RNF25: variants seen among roughly 807,000 people sequenced by gnomAD.
The protein encoded by RNF25 is E3 ubiquitin-protein ligase RNF25.
A neutral mutation model predicts 65.0 loss-of-function variants in RNF25; 32 were observed. The ratio of observed to expected loss-of-function variants is 0.49; its 90% CI spans 0.37 to 0.66. The LOEUF (loss-of-function observed/expected upper bound fraction) is 0.66, where lower values mean the gene tolerates loss of function less well. RNF25 is among the 30% of genes least tolerant of loss of function. The pLI is 0.00. For missense variants in RNF25, 493 were observed against 584.8 expected (o/e 0.84, Z 1.62); for synonymous variants, 207 against 221.2 (o/e 0.94, Z 0.57).
chr2:218,670,386 AGGT>A (rs912669125), intron 1 of RNF25, among the ~76,000 whole-genome samples: 3 of 149,476 alleles, frequency 2.0e-5, no homozygotes, highest in Non-Finnish European at 4.4e-5. Flanking sequence ...GATGGTGGTA[AGGT>A]GGTGACAACA....
chr2:218,664,697 G>T lies in RNF25; in HGVS notation c.801+42C>A. 1 of 1,613,046 alleles carries T rather than the reference G, an allele frequency of 6.2e-7. No individual in the cohort carries two copies. The highest frequency in any genetic ancestry group is 2.2e-5 in the East Asian group (1 of 44,886). On this transcript the variant is annotated intron_variant, in intron 9 of 9. Transcript: ENST00000295704. This position sits in a 1 kb window ranked among gnomAD's most constrained non-coding sequence, Gnocchi z 5.1. ...CATGGCTGATTGGGGTTTGTAGAAA[G>T]GTTGGTGGCATTACAGGACAACTGG... is the stretch of plus-strand genomic sequence containing the variant.
In RNF25 at chr2:218,664,159, C is replaced by A; in HGVS notation, c.1178G>T (p.Gly393Val). The A allele has an allele frequency of 1.3e-6, 2 of 1,553,734 alleles. No individual in the cohort carries two copies. The highest frequency in any genetic ancestry group is 1.7e-6 in the Non-Finnish European group (2 of 1,154,460). Residue 393 changes from glycine to valine, a missense_variant, in exon 10 of 10, where the codon GGA becomes GTA. Gly to Val is a moderately radical substitution (Grantham distance 109). Coordinates refer to ENST00000295704, the MANE Select transcript of RNF25 (RefSeq NM_022453.3). This position sits in a 1 kb window ranked among gnomAD's most constrained non-coding sequence, Gnocchi z 5.1. ...CTTCTCTTGTGGAGGACCTTCAACT[C>A]CTTGGCTATGGGGTTCTGGCTTTAG... ...MDLKPEPHSQ[G>V]VEGPPQEKGP...
intron 2 of RNF25, 61 bp from the exon 3 acceptor site, chr2:218,668,402 G>C: frequency 1.3e-6 from 1 of 774,716 alleles, no homozygotes; most frequent in East Asian, 3.2e-5. Context: ...GGCTGGGGAG[G>C]ATGGGGCTGA....
At position 218,668,151 on chromosome 2, in the gene RNF25, T is replaced by C. The variant is rs1939877032; in HGVS notation, c.220-5A>G. 2 of 1,613,888 alleles carry C rather than the reference T, an allele frequency of 1.2e-6. No homozygotes were observed. Among genetic ancestry groups the C allele is most frequent in the East Asian group, 2.2e-5 (1 of 44,892 alleles). On this transcript the variant is annotated splice_region_variant and splice_polypyrimidine_tract_variant and intron_variant, in intron 3 of 9. Coordinates refer to ENST00000295704, the MANE Select transcript of RNF25 (RefSeq NM_022453.3). ...CTGTGGCACCTCATGGGGATACTAG[T>C]GGGGGCAAATAACAAGTTACTGCTG...
At position 218,671,997 on chromosome 2, in the gene RNF25, G is replaced by A; in HGVS notation, c.-27C>T. On this transcript the variant is annotated 5_prime_UTR_variant, in exon 1 of 10. Transcript: ENST00000295704. Reference sequence around the variant, plus strand: ...TCTTCACCGGCCCGCAGCCGGAACCGGAAATGCCCTTAGGGAAGTCGGAGG... The same window carrying A: ...TCTTCACCGGCCCGCAGCCGGAACCAGAAATGCCCTTAGGGAAGTCGGAGG... 4 of 1,614,178 alleles carry A rather than the reference G, an allele frequency of 2.5e-6. No individual in the cohort carries two copies. The highest frequency in any genetic ancestry group is 3.4e-6 in the Non-Finnish European group (4 of 1,180,016).
chr2:218,667,788 A>T, intron 5 of RNF25, 124 bp downstream of exon 5: 3 of 821,752 alleles, frequency 3.7e-6, no homozygotes, highest in Non-Finnish European at 5.8e-6. Context: ...TCTCTGGATT[A>T]ATTTAGGCCT....
At chr2:218,666,136 C>T in intron 6 of RNF25, 23 bp downstream of exon 6, 1 of 1,613,120 alleles carries the variant, frequency 6.2e-7, no homozygotes, top group Non-Finnish European at 8.5e-7. Flanking sequence ...AACAGAATGC[C>T]AGGTCCCAAG....
At chr2:218,671,035 T>C (rs1224845345) in intron 1 of RNF25, among the ~76,000 whole-genome samples, 1 of 152,050 alleles carries the variant, frequency 6.6e-6, no homozygotes, top group African/African-American at 2.4e-5. Flanking sequence ...TAGCCAGGCA[T>C]GGTGGCACAC....
rs1020946725 is a variant in RNF25 at position 218,664,130 on chromosome 2, G to T, written c.1207C>A (p.Pro403Thr). ...GVEGPPQEKG[P>T]GSWQGPPPRR... ...GGTGGGGGCCCCTGCCAGCTGCCAG[G>T]CCCCTTCTCTTGTGGAGGACCTTCA... Residue 403 changes from proline to threonine, a missense_variant, in exon 10 of 10, where the codon CCT becomes ACT. Pro to Thr is a conservative substitution (Grantham distance 38, BLOSUM62 -1). Around this residue, in one of 3 missense-constraint regions of RNF25, gnomAD observed 351 missense variants for 400.2 expected, o/e 0.88. Transcript: ENST00000295704. The surrounding 1 kb of genome is among the most constrained non-coding windows in gnomAD (Gnocchi z 5.1). The T allele has an allele frequency of 9.2e-6, 14 of 1,527,000 alleles. No individual in the cohort carries two copies. The highest frequency in any genetic ancestry group is 1.2e-5 in the Non-Finnish European group (14 of 1,140,042). The allele number at this position is 1,527,000 out of a possible 1,614,324, so 94.6% of individuals were successfully genotyped here. A position where few individuals can be genotyped will look rare whatever the true frequency, so the allele number is the denominator to read the frequency against.
chr2:218,667,244 T>C (rs1044597178), intron 5 of RNF25, among the ~76,000 whole-genome samples: 1 of 152,008 alleles, frequency 6.6e-6, no homozygotes, highest in Non-Finnish European at 1.5e-5. Flanking sequence ...ATATTTTTAA[T>C]CTCAAACAAT....
At chr2:218,666,522 G>A (rs182747987) in intron 5 of RNF25, among the ~76,000 whole-genome samples, 3 of 152,074 alleles carry the variant, frequency 2.0e-5, no homozygotes, top group Admixed American at 2.0e-4. Context: ...AATACACCTT[G>A]AGAAAAAAAA....
rs1939823317 is a variant in RNF25, at chr2:218,666,190, C to T, written c.398G>A (p.Gly133Asp). The change falls in exon 6 of 10, where the codon GGC (glycine) becomes GAC (aspartate). Residue 133 changes from glycine to aspartate, a missense_variant. Physicochemically the swap from Gly to Asp is moderately conservative, Grantham distance 94. Coordinates refer to ENST00000295704, the MANE Select transcript of RNF25 (RefSeq NM_022453.3). The part of the protein sequence containing the change: ...EILTDNNIPH[G>D]QCVICLYGFQ... Reference sequence around the variant, plus strand: ...ACCATAGAGGCAGATGACACACTGGCCATGAGGGATGTTGTTATCTGTGAG... The same window carrying T: ...ACCATAGAGGCAGATGACACACTGGTCATGAGGGATGTTGTTATCTGTGAG... 6.2e-7 allele frequency: 1 copy of T among 1,614,002 alleles called. No individual in the cohort carries two copies. The highest frequency in any genetic ancestry group is 8.5e-7 in the Non-Finnish European group (1 of 1,179,950).
intron 7 of RNF25, among the ~76,000 whole-genome samples, chr2:218,665,498 T>C (rs574803489): frequency 4.6e-5 from 7 of 152,132 alleles, no homozygotes; most frequent in Non-Finnish European, 4.4e-5. Context: ...TCCCAGCACT[T>C]TGGGAGGCCG....
chr2:218,664,106 G>A lies in RNF25; in HGVS notation c.1231C>T (p.Pro411Ser). The A allele has an allele frequency of 1.3e-6, 2 of 1,523,596 alleles. No individual in the cohort carries two copies. The highest frequency in any genetic ancestry group is 1.8e-6 in the Non-Finnish European group (2 of 1,138,412). 94.4% of individuals were successfully genotyped at this position (1,523,596 alleles called of 1,614,324 possible). A position where few individuals can be genotyped will look rare whatever the true frequency, so the allele number is the denominator to read the frequency against. Residue 411 changes from proline (P) to serine (S), a missense_variant, in exon 10 of 10, where the codon CCC becomes TCC. Pro to Ser is a moderately conservative substitution (Grantham distance 74). Around this residue, in one of 3 missense-constraint regions of RNF25, gnomAD observed 351 missense variants for 400.2 expected, o/e 0.88. Transcript: ENST00000295704. This position sits in a 1 kb window ranked among gnomAD's most constrained non-coding sequence, Gnocchi z 5.1. ...KGPGSWQGPP[P>S]RRTRDCVRWE... is the part of the protein sequence containing the mutation. ...CGAACACAGTCCCGAGTCCTGCGGGGTGGGGGCCCCTGCCAGCTGCCAGGC... is the reference window on the plus strand; with the variant it reads ...CGAACACAGTCCCGAGTCCTGCGGGATGGGGGCCCCTGCCAGCTGCCAGGC...
In RNF25 at chr2:218,665,249, TAA is replaced by T. The variant is rs762988109; in HGVS notation, c.574-4_574-3del. The stretch of plus-strand genomic sequence containing the variant: ...TGGACACTGCACACCGACTGCCTTC[TAA>T]AAAAGAGAAAAATCATATGCCTGTG... On this transcript the variant is annotated splice_region_variant and splice_polypyrimidine_tract_variant and intron_variant, in intron 7 of 9. Transcript: ENST00000295704. 3.7e-6 allele frequency: 6 copies of T among 1,611,810 alleles called. No individual in the cohort carries two copies. The East Asian group carries it at 6.7e-5, about 18-fold the overall frequency.
At position 218,668,645 on chromosome 2, in the gene RNF25, T is replaced by C; in HGVS notation, c.76A>G (p.Ile26Val). The change falls in exon 2 of 10, where the codon ATC becomes GTC. Residue 26 changes from isoleucine (I) to valine (V), a missense_variant. By Grantham distance (29) the Ile-to-Val change is conservative. Transcript: ENST00000295704. Reference protein sequence around the residue: ...LPSEVEVLESIYLDELQVIKG... With the variant: ...LPSEVEVLESVYLDELQVIKG... ...ATCACCTGTAGTTCATCTAGATAGA[T>C]GGACTCCAATACTTCAACTTCAGAG... 6.2e-7 allele frequency: 1 copy of C among 1,612,038 alleles called. No individual in the cohort carries two copies. The highest frequency in any genetic ancestry group is 8.5e-7 in the Non-Finnish European group (1 of 1,178,184).
At chr2:218,671,169 C>G (rs558889968) in intron 1 of RNF25, among the ~76,000 whole-genome samples, 2 of 152,094 alleles carry the variant, frequency 1.3e-5, no homozygotes, top group African/African-American at 4.8e-5. Context: ...GAGACTCTGT[C>G]TCAAAAAACA....
chr2:218,668,527 G>T, intron 2 of RNF25, 78 bp downstream of exon 2: 1 of 1,120,986 alleles, frequency 8.9e-7, no homozygotes, highest in Non-Finnish European at 1.4e-6. Context: ...GGCTCACAAT[G>T]TCTTAAGACC....
chr2:218,669,084 C>T (rs943141582), intron 1 of RNF25, among the ~76,000 whole-genome samples: 2 of 152,254 alleles, frequency 1.3e-5, no homozygotes, highest in Non-Finnish European at 2.9e-5. Flanking sequence ...CCTTTCCCTA[C>T]GTCACTGTCC....
Sources: gnomAD v4.1 joint callset for allele counts (sites outside exome capture counted in the v4.1 genomes callset) on GRCh38, gnomAD v4.1.1 for gene constraint, gnomAD v4.1.1 regional missense constraint, Gnocchi (gnomAD v3.1) non-coding constraint, MANE v1.5 for transcripts, NCBI Gene and HGNC (gene_info 2026-07-23, HGNC 2026-07-21) for gene names.